SNX13: variants seen among roughly 807,000 people sequenced by gnomAD.
SNX13 encodes sorting nexin 13, also known as sorting nexin-13.
A neutral mutation model predicts 133.6 loss-of-function variants in SNX13; 45 were observed. That is an observed-to-expected ratio of 0.34 (90% CI 0.27 to 0.43). SNX13 has a LOEUF of 0.43. SNX13 is among the 20% of genes least tolerant of loss of function. The pLI is 1.00. For missense variants in SNX13, 1,032 were observed against 1,145.1 expected, an observed-to-expected ratio of 0.90 and a Z score of 1.43; for synonymous variants, 414 against 373.9, an observed-to-expected ratio of 1.11 and a Z score of -1.24.
rs574435297 is a variant in SNX13, at chr7:17,829,020, G to C, written c.1635+990C>G. Reference sequence around the variant, plus strand: ...AATGGTAATGACACCAAATGATTTAGGAAATATTTTAAAAGTTACAAAGTA... The same window carrying C: ...AATGGTAATGACACCAAATGATTTACGAAATATTTTAAAAGTTACAAAGTA... On this transcript the variant is annotated intron_variant, in intron 16 of 25. Transcript: ENST00000428135. Among the ~76,000 whole-genome samples, 14 of 151,450 alleles carry C rather than the reference G, an allele frequency of 9.2e-5. No homozygotes were observed. In the South Asian group the frequency reaches 2.7e-3, roughly 29 times the overall value.
chr7:17,891,696 A>C, intron 3 of SNX13, 61 bp from the exon 4 acceptor site: 1 of 1,177,278 alleles, frequency 8.5e-7, no homozygotes. Context: ...CTCCAGTTTA[A>C]TTCCAGTTGA....
intron 24 of SNX13, among the ~76,000 whole-genome samples, chr7:17,797,523 C>G (rs1784181908): frequency 6.6e-6 from 1 of 151,790 alleles, no homozygotes; most frequent in Admixed American, 6.6e-5. Flanking sequence ...AGCACAAAAA[C>G]TAAGCTTTCA....
intron 9 of SNX13, among the ~76,000 whole-genome samples, chr7:17,857,754 C>T (rs528134302): frequency 6.6e-6 from 1 of 151,912 alleles, no homozygotes; most frequent in East Asian, 1.9e-4. Flanking sequence ...CACTGAACTA[C>T]AGAGCAAGAC....
chr7:17,805,737 A>G (rs1221636672), intron 20 of SNX13, among the ~76,000 whole-genome samples: 2 of 152,222 alleles, frequency 1.3e-5, no homozygotes, highest in Non-Finnish European at 2.9e-5. Flanking sequence ...TGATACTCTA[A>G]GAGAAAGTAA....
chr7:17,805,209 C>CG (rs1562662081), intron 20 of SNX13, among the ~76,000 whole-genome samples: 2 of 63,454 alleles, frequency 3.2e-5, no homozygotes, highest in African/African-American at 1.3e-4. Context: ...GCTAATGATT[C>CG]TTTGTGTGTG....
chr7:17,802,771 A>G (rs1784773266), intron 21 of SNX13, among the ~76,000 whole-genome samples: 4 of 152,272 alleles, frequency 2.6e-5, no homozygotes, highest in Admixed American at 6.5e-5. Flanking sequence ...TCTAATACCT[A>G]TATGTTTTAT....
At chr7:17,837,539 C>CA (rs1037078953) in intron 13 of SNX13, among the ~76,000 whole-genome samples, 107 of 151,746 alleles carry the variant, frequency 7.1e-4, no homozygotes, top group African/African-American at 2.4e-3. Flanking sequence ...TTCGGTGCTC[C>CA]AAAAAAAGTC....
At position 17,793,729 on chromosome 7, in the gene SNX13, G is replaced by T; in HGVS notation, c.*316C>A. 4.2e-6 allele frequency: 1 copy of T among 238,446 alleles called. No homozygotes were observed. The highest frequency in any genetic ancestry group is 7.2e-5 in the South Asian group (1 of 13,910). 14.8% of individuals were successfully genotyped at this position (238,446 alleles called of 1,614,324 possible). A position where few individuals can be genotyped will look rare whatever the true frequency, so the allele number is the denominator to read the frequency against. The stretch of plus-strand genomic sequence containing the variant: ...CCTTAGCTTTCATATATACACTCTG[G>T]CACTTTGTCATTGCTGGAGAATGCT... On this transcript the variant is annotated 3_prime_UTR_variant, in exon 26 of 26. Transcript: ENST00000428135.
At chr7:17,828,329 C>A (rs1333033649) in intron 16 of SNX13, among the ~76,000 whole-genome samples, 1 of 151,672 alleles carries the variant, frequency 6.6e-6, no homozygotes, top group Non-Finnish European at 1.5e-5. Context: ...TTGAAATAAG[C>A]ACAATTTGCA....
chr7:17,850,759 TAATCA>T, intron 10 of SNX13, 62 bp downstream of exon 10: 1 of 1,255,422 alleles, frequency 8.0e-7, no homozygotes. Flanking sequence ...TTAGGTAAAT[TAATCA>T]AAGTTTTGAA....
At chr7:17,816,592 G>A (rs933565184) in intron 18 of SNX13, among the ~76,000 whole-genome samples, 1 of 152,154 alleles carries the variant, frequency 6.6e-6, no homozygotes, top group Non-Finnish European at 1.5e-5. Flanking sequence ...GAACCCAGAA[G>A]GTAGAGGTTG....
intron 20 of SNX13, among the ~76,000 whole-genome samples, chr7:17,806,242 C>T (rs898377470): frequency 6.6e-6 from 1 of 152,110 alleles, no homozygotes; most frequent in Non-Finnish European, 1.5e-5. Flanking sequence ...TAGAAAGATA[C>T]TGTGTACAAA....
intron 11 of SNX13, among the ~76,000 whole-genome samples, chr7:17,847,743 C>G (rs1182026339): frequency 6.6e-6 from 1 of 152,150 alleles, no homozygotes; most frequent in Admixed American, 6.5e-5. Flanking sequence ...CTCTCATGGA[C>G]AAACTCCAAT....
chr7:17,816,387 T>G, intron 18 of SNX13, 98 bp from the exon 19 acceptor site: 1 of 1,390,608 alleles, frequency 7.2e-7, no homozygotes, highest in Non-Finnish European at 9.5e-7. Flanking sequence ...TCAGGCCAGG[T>G]GCGGTGGCTC....
chr7:17,870,969 T>C (rs1794030027), intron 8 of SNX13, among the ~76,000 whole-genome samples: 1 of 152,022 alleles, frequency 6.6e-6, no homozygotes, highest in East Asian at 1.9e-4. Flanking sequence ...ATGAATACAA[T>C]TTAGCTGATA....
At chr7:17,802,341 A>G (rs962610319) in intron 21 of SNX13, among the ~76,000 whole-genome samples, 2 of 152,122 alleles carry the variant, frequency 1.3e-5, no homozygotes, top group African/African-American at 4.8e-5. Flanking sequence ...CAGAGTTCCA[A>G]TCTTCTTTCT....
intron 4 of SNX13, among the ~76,000 whole-genome samples, chr7:17,890,848 TA>T (rs780045038): frequency 4.9e-4 from 74 of 151,898 alleles, no homozygotes; most frequent in Non-Finnish European, 9.1e-4. Context: ...GAATGAGATG[TA>T]AAATAATAGA....
chr7:17,802,832 T>G (rs991494930), intron 21 of SNX13, among the ~76,000 whole-genome samples: 4 of 152,128 alleles, frequency 2.6e-5, no homozygotes, highest in African/African-American at 9.7e-5. Flanking sequence ...TTTAAAATGT[T>G]AATTAGGAAT....
intron 15 of SNX13, among the ~76,000 whole-genome samples, chr7:17,833,043 A>G (rs1349940418): frequency 1.3e-5 from 2 of 151,576 alleles, no homozygotes; most frequent in African/African-American, 4.8e-5. Flanking sequence ...ATTCATAAGT[A>G]AACAGTCATA....
Sources: gnomAD v4.1 joint callset for allele counts (sites outside exome capture counted in the v4.1 genomes callset) on GRCh38, gnomAD v4.1.1 for gene constraint, MANE v1.5 for transcripts, NCBI Gene and HGNC (gene_info 2026-07-23, HGNC 2026-07-21) for gene names.